The following HMGA2 variants were observed in gnomAD, a reference collection of about 807,000 sequenced individuals.
The protein encoded by HMGA2 is high mobility group AT-hook 2.
HMGA2 carries 8 observed loss-of-function variants against 19.1 expected under a neutral mutation model. The observed-to-expected ratio is 0.42, with a 90% CI of 0.25 to 0.76. The LOEUF is 0.76. Ranked by LOEUF, HMGA2 falls within the 30% of genes least tolerant of loss-of-function variation. The pLI, the probability that HMGA2 is intolerant of heterozygous loss-of-function variation, is 0.28. For synonymous variants in HMGA2, 60 were observed against 48.8 expected (o/e 1.23, Z -0.96); for missense variants, 109 against 136.3 (o/e 0.80, Z 1.00).
chr12:65,942,172 A>G (rs1333962882), intron 3 of HMGA2, among the ~76,000 whole-genome samples: 1 of 152,186 alleles, frequency 6.6e-6, no homozygotes, highest in African/African-American at 2.4e-5. Context: ...AGCATTAATT[A>G]GTCTTTATTT....
intron 3 of HMGA2, among the ~76,000 whole-genome samples, chr12:65,928,917 A>G (rs1875610837): frequency 1.3e-5 from 2 of 152,226 alleles, no homozygotes. Context: ...AAAGACAAAG[A>G]GTACATATAT....
At chr12:65,893,368 C>G (rs540701716) in intron 3 of HMGA2, among the ~76,000 whole-genome samples, 7 of 152,260 alleles carry the variant, frequency 4.6e-5, no homozygotes, top group Admixed American at 1.3e-4. Flanking sequence ...TGGATACATG[C>G]GAAAAGAACA....
At chr12:65,905,051 A>AG (rs1395546902) in intron 3 of HMGA2, among the ~76,000 whole-genome samples, 4 of 152,148 alleles carry the variant, frequency 2.6e-5, no homozygotes, top group Non-Finnish European at 4.4e-5. Flanking sequence ...CAAAAAAAAA[A>AG]AAGTTTATTT....
intron 3 of HMGA2, among the ~76,000 whole-genome samples, chr12:65,906,956 C>T (rs1201032522): frequency 6.6e-6 from 1 of 152,110 alleles, no homozygotes; most frequent in Non-Finnish European, 1.5e-5. Flanking sequence ...AAGATCAAGA[C>T]CCTGTGGAAA....
chr12:65,959,662 T>C (rs1876695574), intron 4 of HMGA2, among the ~76,000 whole-genome samples: 1 of 152,212 alleles, frequency 6.6e-6, no homozygotes, highest in Non-Finnish European at 1.5e-5. Context: ...GTAAGCCTTC[T>C]TGACCAAAGA....
At chr12:65,962,031 C>T (rs1019469905) in intron 4 of HMGA2, among the ~76,000 whole-genome samples, 19 of 152,084 alleles carry the variant, frequency 1.2e-4, no homozygotes, top group African/African-American at 1.9e-4. Context: ...AAAATGAAGC[C>T]ATGTGGAAAA....
intron 2 of HMGA2, among the ~76,000 whole-genome samples, chr12:65,829,759 G>C (rs1163529158): frequency 6.6e-6 from 1 of 151,774 alleles, no homozygotes; most frequent in Non-Finnish European, 1.5e-5. Context: ...CATCGCCTCC[G>C]CTTCATTTTA....
At chr12:65,898,622 C>A (rs1209818262) in intron 3 of HMGA2, among the ~76,000 whole-genome samples, 2 of 152,164 alleles carry the variant, frequency 1.3e-5, no homozygotes, top group African/African-American at 4.8e-5. Context: ...GCTTAAATAT[C>A]CTTTGTATGT....
intron 3 of HMGA2, among the ~76,000 whole-genome samples, chr12:65,892,642 TAG>T (rs1401083049): frequency 6.6e-6 from 1 of 152,112 alleles, no homozygotes; most frequent in Non-Finnish European, 1.5e-5. Flanking sequence ...CCCTTCAAAG[TAG>T]AGTTTGTCAT....
intron 4 of HMGA2, among the ~76,000 whole-genome samples, chr12:65,961,552 C>A (rs1180515942): frequency 6.6e-6 from 1 of 152,188 alleles, no homozygotes; most frequent in East Asian, 1.9e-4. Flanking sequence ...CTAAACAAAA[C>A]CGGTGTGAAA....
intron 3 of HMGA2, among the ~76,000 whole-genome samples, chr12:65,846,164 A>G (rs753470860): frequency 1.6e-4 from 24 of 152,222 alleles, no homozygotes; most frequent in Non-Finnish European, 3.4e-4. Context: ...TTTGTTTTTC[A>G]TTCATTATTT....
At chr12:65,827,859 A>G (rs1464278979) in intron 1 of HMGA2, 142 bp from the exon 2 acceptor site, 5 of 707,056 alleles carry the variant, frequency 7.1e-6, no homozygotes, top group Non-Finnish European at 1.3e-5. Flanking sequence ...ACTCTGTACC[A>G]TCATCATCCA....
chr12:65,961,385 G>T (rs1876745038), intron 4 of HMGA2, among the ~76,000 whole-genome samples: 2 of 152,134 alleles, frequency 1.3e-5, no homozygotes, highest in Admixed American at 6.6e-5. Flanking sequence ...CTCCTTTGTG[G>T]CCAGGGCTCC....
At chr12:65,948,212 T>A (rs1332800497) in intron 3 of HMGA2, among the ~76,000 whole-genome samples, 1 of 152,202 alleles carries the variant, frequency 6.6e-6, no homozygotes, top group Non-Finnish European at 1.5e-5. Flanking sequence ...AGCTTTCATA[T>A]AGGAAATGCA....
At chr12:65,849,123 A>G (rs1871348927) in intron 3 of HMGA2, among the ~76,000 whole-genome samples, 1 of 152,188 alleles carries the variant, frequency 6.6e-6, no homozygotes, top group Non-Finnish European at 1.5e-5. Context: ...GAAAAGATAC[A>G]TCCTACGCAG....
intron 2 of HMGA2, among the ~76,000 whole-genome samples, chr12:65,833,283 C>T (rs1351046914): frequency 6.6e-6 from 1 of 152,046 alleles, no homozygotes; most frequent in Non-Finnish European, 1.5e-5. Context: ...TTGATTTATA[C>T]TGTTTATATT....
intron 3 of HMGA2, among the ~76,000 whole-genome samples, chr12:65,883,282 G>A (rs962184261): frequency 5.9e-5 from 9 of 152,146 alleles, no homozygotes; most frequent in African/African-American, 9.7e-5. Flanking sequence ...TAAGGAACTC[G>A]GTTTATAGCA....
intron 3 of HMGA2, among the ~76,000 whole-genome samples, chr12:65,943,648 AAGCAGAAATTCC>A (rs1876165152): frequency 6.6e-6 from 1 of 152,172 alleles, no homozygotes; most frequent in Non-Finnish European, 1.5e-5. Context: ...CCACAATACC[AAGCAGAAATTCC>A]AGAGATTTTG....
At chr12:65,850,511 C>A (rs151301460) in intron 3 of HMGA2, among the ~76,000 whole-genome samples, 7 of 150,264 alleles carry the variant, frequency 4.7e-5, no homozygotes, top group East Asian at 1.9e-4. Flanking sequence ...ATGAAGAGAC[C>A]GAATTTTTTT....
Sources: allele counts gnomAD v4.1 joint callset (sites outside exome capture counted in the v4.1 genomes callset), GRCh38; gene constraint gnomAD v4.1.1; transcripts MANE v1.5; gene names NCBI Gene and HGNC (gene_info 2026-07-23, HGNC 2026-07-21).